The following SFXN5 variants were observed in gnomAD, a reference collection of about 807,000 sequenced individuals.
SFXN5 encodes the protein sideroflexin-5.
A neutral mutation model predicts 50.2 loss-of-function variants in SFXN5; 43 were observed. The ratio of observed to expected loss-of-function variants is 0.86; its 90% CI spans 0.67 to 1.11. The LOEUF (loss-of-function observed/expected upper bound fraction) is 1.11. SFXN5 is among the 50% of genes least tolerant of loss of function. The pLI is 0.00. For synonymous variants in SFXN5, 203 were observed against 185.8 expected (o/e 1.09, Z -0.75); for missense variants, 463 against 454.1 (o/e 1.02, Z -0.18).
rs183247486 is a variant in SFXN5 at position 72,961,547 on chromosome 2, G to A, written c.828-299C>T. On this transcript the variant is annotated intron_variant, in intron 12 of 13. Transcript: ENST00000272433. This position sits in a 1 kb window ranked among gnomAD's most constrained non-coding sequence, Gnocchi z 4.4. ...GGGGCACCCACCCGCCACGCGTCCA[G>A]CCCCGTGCCAAGAAGGCCCTATGTG... Among the ~76,000 whole-genome samples, 2 of 152,334 alleles carry A rather than the reference G, an allele frequency of 1.3e-5. No homozygotes were observed. The highest frequency in any genetic ancestry group is 2.9e-5 in the Non-Finnish European group (2 of 68,034).
In SFXN5 at chr2:73,023,231, G is replaced by A. The variant is rs775372560; in HGVS notation, c.250-17C>T. ...ACTCCAGAGCTGGAAGAGAGATAAA[G>A]GAAAAGAAAATAAAGAACAAAAATT... is the stretch of plus-strand genomic sequence containing the variant. On this transcript the variant is annotated splice_polypyrimidine_tract_variant and intron_variant, in intron 3 of 13. Coordinates refer to ENST00000272433, the MANE Select transcript of SFXN5 (RefSeq NM_144579.3). 145 of 1,594,004 alleles carry A rather than the reference G, an allele frequency of 9.1e-5. 1 individual carries two copies. In the South Asian group the frequency reaches 1.6e-3, roughly 17 times the overall value.
At position 72,960,610 on chromosome 2, in the gene SFXN5, C is replaced by T. The variant is rs1399845769; in HGVS notation, c.945+521G>A. On this transcript the variant is annotated intron_variant, in intron 13 of 13. Transcript: ENST00000272433. The surrounding 1 kb of genome is among the most constrained non-coding windows in gnomAD (Gnocchi z 6.1). Reference sequence around the variant, plus strand: ...TGCACAGCCCTTAGGAGGACATTCACCCTCTCTGTTCTGGCTTCCAAGTTC... The same window carrying T: ...TGCACAGCCCTTAGGAGGACATTCATCCTCTCTGTTCTGGCTTCCAAGTTC... Among the ~76,000 whole-genome samples, 8 of 152,122 alleles carry T rather than the reference C, an allele frequency of 5.3e-5. No homozygotes were observed. Among genetic ancestry groups the T allele is most frequent in the Non-Finnish European group, 1.2e-4 (8 of 68,026 alleles).
At chr2:72,986,091 A>G (rs911874162) in intron 10 of SFXN5, among the ~76,000 whole-genome samples, 1 of 152,244 alleles carries the variant, frequency 6.6e-6, no homozygotes, top group Non-Finnish European at 1.5e-5. Flanking sequence ...CCAGTTGGGC[A>G]GCCGTGTTTG....
chr2:73,027,645 G>A (rs962666110), intron 3 of SFXN5, among the ~76,000 whole-genome samples: 2 of 151,996 alleles, frequency 1.3e-5, no homozygotes, highest in Admixed American at 1.3e-4. Flanking sequence ...TTCTATGAAG[G>A]TGTATCATTT....
intron 13 of SFXN5, among the ~76,000 whole-genome samples, chr2:72,958,109 A>G (rs1199441554): frequency 5.9e-5 from 9 of 152,144 alleles, no homozygotes; most frequent in Admixed American, 5.9e-4. Context: ...CCAGAGCTGG[A>G]GGCCTGGGTG....
chr2:72,966,568 C>T (rs1005204932), intron 12 of SFXN5, among the ~76,000 whole-genome samples: 22 of 152,314 alleles, frequency 1.4e-4, no homozygotes, highest in African/African-American at 5.3e-4. Flanking sequence ...CAGGTACCCC[C>T]AGAGCCTCCG....
intron 3 of SFXN5, among the ~76,000 whole-genome samples, 161 bp from the exon 4 acceptor site, chr2:73,023,375 C>A (rs1677150490): frequency 6.6e-6 from 1 of 152,148 alleles, no homozygotes. Context: ...GCTGTCCTAT[C>A]CTGGGGGGGG....
intron 13 of SFXN5, among the ~76,000 whole-genome samples, chr2:72,949,062 G>A (rs1194876072): frequency 1.1e-4 from 16 of 152,208 alleles, no homozygotes; most frequent in Admixed American, 1.0e-3. Context: ...CTTCTCAGAG[G>A]TGGTGAGCCA....
chr2:73,068,764 A>G (rs1286260604), intron 1 of SFXN5, among the ~76,000 whole-genome samples: 1 of 152,120 alleles, frequency 6.6e-6, no homozygotes, highest in Non-Finnish European at 1.5e-5. Flanking sequence ...ACAGATGGCA[A>G]AGAAATACTC....
intron 10 of SFXN5, among the ~76,000 whole-genome samples, chr2:72,976,958 C>A (rs1421226452): frequency 6.6e-6 from 1 of 152,188 alleles, no homozygotes; most frequent in Non-Finnish European, 1.5e-5. Flanking sequence ...TATTCTACCC[C>A]CGCCCGAGAT....
intron 3 of SFXN5, among the ~76,000 whole-genome samples, chr2:73,027,115 G>T (rs1191013189): frequency 1.3e-5 from 2 of 152,136 alleles, no homozygotes; most frequent in East Asian, 3.8e-4. Context: ...GCCCTTCAGG[G>T]GGTATTCCAG....
intron 12 of SFXN5, among the ~76,000 whole-genome samples, chr2:72,962,353 G>A (rs2105390202): frequency 6.6e-6 from 1 of 152,374 alleles, no homozygotes; most frequent in African/African-American, 2.4e-5. Context: ...AATGTGGCGG[G>A]CAGTAAACCC....
chr2:72,999,115 G>C, intron 8 of SFXN5, 101 bp from the exon 9 acceptor site: 1 of 1,293,432 alleles, frequency 7.7e-7, no homozygotes, highest in Admixed American at 1.9e-5. Context: ...CTGCCCACCA[G>C]CCTGGAAAGT....
At chr2:73,026,158 T>A (rs529818945) in intron 3 of SFXN5, among the ~76,000 whole-genome samples, 1 of 130,066 alleles carries the variant, frequency 7.7e-6, no homozygotes, top group Non-Finnish European at 1.5e-5. Flanking sequence ...GACAGAGTCT[T>A]GCTCTGTCGC....
chr2:73,007,030 T>C (rs1194335855), intron 6 of SFXN5, among the ~76,000 whole-genome samples: 1 of 152,218 alleles, frequency 6.6e-6, no homozygotes, highest in Non-Finnish European at 1.5e-5. Flanking sequence ...GTATTCTAAC[T>C]GCTGCAGAGA....
intron 10 of SFXN5, among the ~76,000 whole-genome samples, chr2:72,980,202 G>GGGAAA (rs1671113677): frequency 1.3e-5 from 2 of 151,650 alleles, no homozygotes; most frequent in Non-Finnish European, 2.9e-5. Context: ...GATTCAAATG[G>GGGAAA]TGTAAAAGGG....
Position 73,020,319 on chromosome 2 carries a change from G to A in SFXN5, c.332-55C>T, listed in dbSNP as rs1348058505. On this transcript the variant is annotated intron_variant, in intron 5 of 13. Coordinates refer to ENST00000272433, the MANE Select transcript of SFXN5 (RefSeq NM_144579.3). Reference sequence around the variant, plus strand: ...TATAATCCACTCACATCTCACCTGAGATACCCAGGAGCCTCCGGGTTAGGT... The same window carrying A: ...TATAATCCACTCACATCTCACCTGAAATACCCAGGAGCCTCCGGGTTAGGT... 6.9e-6 allele frequency: 11 copies of A among 1,595,568 alleles called. No homozygotes were observed. In the African/African-American group the frequency reaches 8.1e-5, roughly 12 times the overall value.
chr2:72,982,389 T>C (rs185213622), intron 10 of SFXN5, among the ~76,000 whole-genome samples: 434 of 152,318 alleles, frequency 2.8e-3, no homozygotes, highest in African/African-American at 0.01. Flanking sequence ...CCAGAATAAA[T>C]GTCCAGGTAG....
chr2:73,026,447 C>T (rs1677569067), intron 3 of SFXN5, among the ~76,000 whole-genome samples: 2 of 152,026 alleles, frequency 1.3e-5, no homozygotes, highest in African/African-American at 4.8e-5. Context: ...TTAATACAGG[C>T]ATTGCCACCT....
Sources: allele counts gnomAD v4.1 joint callset (sites outside exome capture counted in the v4.1 genomes callset), GRCh38; gene constraint gnomAD v4.1.1; non-coding constraint Gnocchi (gnomAD v3.1); transcripts MANE v1.5; gene names NCBI Gene and HGNC (gene_info 2026-07-23, HGNC 2026-07-21).